The following PALB2 variants were observed in gnomAD, a reference collection of about 807,000 sequenced individuals.
PALB2 encodes the protein partner and localizer of BRCA2.
In PALB2, 82 loss-of-function variants were observed where a neutral mutation model predicts 107.4. The ratio of observed to expected loss-of-function variants is 0.76; its 90% CI spans 0.64 to 0.92. PALB2 has a LOEUF of 0.92. Among genes scored for constraint, PALB2 ranks in the 40% least tolerant of loss-of-function variants. The pLI is 0.00. For synonymous variants in PALB2, 489 were observed against 496.8 expected (o/e 0.98, Z 0.21); for missense variants, 1,374 against 1,379.9 (o/e 1.00, Z 0.07).
intron 10 of PALB2, among the ~76,000 whole-genome samples, chr16:23,614,625 T>TTG (rs1966646555): frequency 6.6e-6 from 1 of 151,890 alleles, no homozygotes; most frequent in Non-Finnish European, 1.5e-5. Context: ...AAGATAAAGT[T>TTG]TGTTGGAATC....
At chr16:23,632,972 TA>T (rs1208155464) in intron 4 of PALB2, among the ~76,000 whole-genome samples, 1 of 152,154 alleles carries the variant, frequency 6.6e-6, no homozygotes, top group Non-Finnish European at 1.5e-5. Context: ...TGGGCACCTG[TA>T]ATCTCAGCTA....
rs753124503 is a variant in PALB2 at position 23,635,084 on chromosome 16, T to C, written c.1462A>G (p.Ser488Gly). Residue 488 changes from serine to glycine, a missense_variant, in exon 4 of 13, where the codon AGC becomes GGC. Physicochemically the swap from Ser to Gly is moderately conservative, Grantham distance 56 (BLOSUM62 0). Coordinates refer to ENST00000261584, the MANE Select transcript of PALB2 (RefSeq NM_024675.4). ...SQKLLSLTKVSSPAGPTEDND... is the reference protein window; with the variant it reads ...SQKLLSLTKVGSPAGPTEDND... ...TCTTCAGTGGGCCCAGCGGGAGAGCTGACTTTAGTTAATGAGAGAAGTTTC... is the reference window on the plus strand; with the variant it reads ...TCTTCAGTGGGCCCAGCGGGAGAGCCGACTTTAGTTAATGAGAGAAGTTTC... 1.9e-6 allele frequency: 3 copies of C among 1,614,184 alleles called. No individual in the cohort carries two copies. Among genetic ancestry groups the C allele is most frequent in the East Asian group, 4.5e-5 (2 of 44,888 alleles).
chr16:23,631,997 C>A (rs1966882448), intron 4 of PALB2, among the ~76,000 whole-genome samples: 1 of 152,148 alleles, frequency 6.6e-6, no homozygotes, highest in African/African-American at 2.4e-5. Context: ...GCTCTTATTG[C>A]AAATGGTATC....
rs959798079 is a variant in PALB2, at chr16:23,603,430, A to C, written c.*29T>G. 6.4e-7 allele frequency: 1 copy of C among 1,572,914 alleles called. No individual in the cohort carries two copies. Among genetic ancestry groups the C allele is most frequent in the African/African-American group, 1.4e-5 (1 of 73,932 alleles). On this transcript the variant is annotated 3_prime_UTR_variant, in exon 13 of 13. Transcript: ENST00000261584. Reference sequence around the variant, plus strand: ...AAATACTAAGAGGCCCAATATATCCAGAAAATTGTGTTTTCACTTTACCCT... The same window carrying C: ...AAATACTAAGAGGCCCAATATATCCCGAAAATTGTGTTTTCACTTTACCCT...
chr16:23,638,317 T>C, intron 1 of PALB2, 188 bp from the exon 2 acceptor site: 2 of 641,638 alleles, frequency 3.1e-6, no homozygotes, highest in Non-Finnish European at 5.6e-6. Flanking sequence ...CCTGTTCCTA[T>C]CATCTGGAAC....
intron 7 of PALB2, among the ~76,000 whole-genome samples, chr16:23,625,476 G>A (rs1475381434): frequency 1.3e-5 from 2 of 152,078 alleles, no homozygotes; most frequent in African/African-American, 2.4e-5. Context: ...GACCAGCCCA[G>A]GCGACATGGC....
chr16:23,603,643 T>C lies in PALB2; in HGVS notation c.3377A>G (p.His1126Arg), dbSNP rs752373316. The C allele has an allele frequency of 2.5e-6, 4 of 1,613,610 alleles. No homozygotes were observed. The South Asian group carries it at 4.4e-5, about 18-fold the overall frequency. Residue 1126 changes from histidine (H) to arginine (R), a missense_variant, in exon 13 of 13, where the codon CAC (histidine) becomes CGC (arginine). Coordinates refer to ENST00000261584, the MANE Select transcript of PALB2 (RefSeq NM_024675.4). The part of the protein sequence containing the change: ...GRFLEGDVKD[H>R]CAAAILTSGT... ...AGAAGTCAAGATTGCTGCTGCACAG[T>C]GATCTTTCACGTCACCTTCCAGGAA...
chr16:23,634,639 TTTTATTTA>T lies in PALB2; in HGVS notation c.1684+215_1684+222del, dbSNP rs60066032. 9.4e-3 allele frequency among the ~76,000 whole-genome samples: 1,387 copies of T among 146,888 alleles called. 15 individuals are homozygous for T. The highest frequency in any genetic ancestry group is 0.053 in the Middle Eastern group (15 of 284). On this transcript the variant is annotated intron_variant, in intron 4 of 12. Coordinates refer to ENST00000261584, the MANE Select transcript of PALB2 (RefSeq NM_024675.4). The stretch of plus-strand genomic sequence containing the variant: ...CAACAGTGAGCCCCTGTCTCTTTAT[TTTTATTTA>T]TTTATTTATTTATTTATTTATTTAT...
intron 10 of PALB2, among the ~76,000 whole-genome samples, chr16:23,618,106 C>A (rs1211698463): frequency 6.6e-6 from 1 of 152,078 alleles, no homozygotes; most frequent in Admixed American, 6.6e-5. Flanking sequence ...CAAGACCAGC[C>A]TGAGTAACAT....
intron 10 of PALB2, among the ~76,000 whole-genome samples, chr16:23,615,002 G>A (rs1267292684): frequency 7.1e-6 from 1 of 141,154 alleles, no homozygotes; most frequent in Non-Finnish European, 1.5e-5. Flanking sequence ...CAGGCTGAGT[G>A]CAGTGGTGCC....
rs1555461200 is a variant in PALB2, at chr16:23,634,945, G to C, written c.1601C>G (p.Ser534Cys). The C allele has an allele frequency of 6.2e-7, 1 of 1,614,182 alleles. No individual in the cohort carries two copies. The highest frequency in any genetic ancestry group is 8.5e-7 in the Non-Finnish European group (1 of 1,180,050). ...SDHCEPLLPT[S>C]SLSIVNRSKE... ...GGACCTGTTAACAATCGACAGGCTA[G>C]AAGTTGGCAAAAGTGGTTCACAATG... The change falls in exon 4 of 13, where the codon TCT (serine) becomes TGT (cysteine). Residue 534 changes from serine (S) to cysteine (C), a missense_variant. Ser to Cys is a moderately radical substitution (Grantham distance 112). Coordinates refer to ENST00000261584, the MANE Select transcript of PALB2 (RefSeq NM_024675.4).
In PALB2 at chr16:23,604,766, C is replaced by CA. The variant is rs879480532; in HGVS notation, c.3351-1098dup. Among the ~76,000 whole-genome samples, 482 of 131,122 alleles carry CA rather than the reference C, an allele frequency of 3.7e-3. 1 individual carries two copies. The highest frequency in any genetic ancestry group is 5.4e-3 in the Non-Finnish European group (332 of 61,466). The allele number at this position is 131,122 out of a possible 152,430, so 86.0% of individuals were successfully genotyped here. Reference sequence around the variant, plus strand: ...GGGCGATAAAGTGAGACCCTGTCTCCAAAAAAAAAAATTAGCTGTTATTGT... The same window carrying CA: ...GGGCGATAAAGTGAGACCCTGTCTCCAAAAAAAAAAAATTAGCTGTTATTGT... On this transcript the variant is annotated intron_variant, in intron 12 of 12. Coordinates refer to ENST00000261584, the MANE Select transcript of PALB2 (RefSeq NM_024675.4).
rs772480747 is a variant in PALB2, at chr16:23,607,882, G to A, written c.3332C>T (p.Pro1111Leu). 5.6e-6 allele frequency: 9 copies of A among 1,614,008 alleles called. No individual in the cohort carries two copies. In the South Asian group the frequency reaches 9.9e-5, roughly 18 times the overall value. The change falls in exon 12 of 13, where the codon CCT becomes CTT. Residue 1111 changes from proline to leucine, a missense_variant. Physicochemically the swap from Pro to Leu is moderately conservative, Grantham distance 98 (BLOSUM62 -3). Transcript: ENST00000261584. ...CACTTGCCTGCCAGCCTGCCCTGGA[G>A]GAAGACAGTACAGCATCACACCCAC... is the stretch of plus-strand genomic sequence containing the variant. The part of the protein sequence containing the change: ...LSVGVMLYCL[P>L]PGQAGRFLEG...
intron 9 of PALB2, among the ~76,000 whole-genome samples, chr16:23,622,511 C>T (rs1252482170): frequency 1.3e-5 from 2 of 152,120 alleles, no homozygotes; most frequent in Admixed American, 1.3e-4. Flanking sequence ...CCTTCCACCT[C>T]AGACTCCCTA....
Position 23,629,976 on chromosome 16 carries a change from A to G in PALB2, c.2178T>C (p.Pro726=), listed in dbSNP as rs863224429. The change falls in exon 5 of 13, where the codon CCT becomes CCC. Residue 726 remains proline (P), a synonymous_variant. Coordinates refer to ENST00000261584, the MANE Select transcript of PALB2 (RefSeq NM_024675.4). ...GAGTAGTACCTAAGATGGGGAAAGC[A>G]GGTGAACACATGTCTGTGGTAGGCC... ...NDRPTTDMCS[P]AFPILGTTPA... 6 of 1,614,206 alleles carry G rather than the reference A, an allele frequency of 3.7e-6. No homozygotes were observed. Among genetic ancestry groups the G allele is most frequent in the Admixed American group, 1.7e-5 (1 of 60,008 alleles).
At position 23,630,006 on chromosome 16, in the gene PALB2, A is replaced by G. The variant is rs770145849; in HGVS notation, c.2148T>C (p.Asn716=). Reference sequence around the variant, plus strand: ...AACACATGTCTGTGGTAGGCCTGTCATTATCATCAGGCGCAACCGTATTTA... The same window carrying G: ...AACACATGTCTGTGGTAGGCCTGTCGTTATCATCAGGCGCAACCGTATTTA... The part of the protein sequence containing the change: ...TPLNTVAPDD[N]DRPTTDMCSP... Residue 716 remains asparagine (N), a synonymous_variant, in exon 5 of 13, where the codon AAT becomes AAC. Coordinates refer to ENST00000261584, the MANE Select transcript of PALB2 (RefSeq NM_024675.4). 2 of 1,614,042 alleles carry G rather than the reference A, an allele frequency of 1.2e-6. No individual in the cohort carries two copies. The highest frequency in any genetic ancestry group is 3.3e-5 in the Admixed American group (2 of 60,002).
intron 11 of PALB2, among the ~76,000 whole-genome samples, chr16:23,611,866 A>G (rs1295393025): frequency 3.9e-5 from 6 of 152,084 alleles, no homozygotes; most frequent in Non-Finnish European, 7.4e-5. Context: ...TGATCCTCTC[A>G]CTGGAGAAGC....
At position 23,638,130 on chromosome 16, in the gene PALB2, CT is replaced by C. The variant is rs1597101949; in HGVS notation, c.49-2del. ...TCAAGAATGCTAATTTCTCCTTTAA[CT>C]GGAAGAAGAAAAACACCAACAATAC... is the stretch of plus-strand genomic sequence containing the variant. On this transcript the variant is annotated splice_acceptor_variant, in intron 1 of 12. Transcript: ENST00000261584. LOFTEE classifies it high-confidence loss of function. 6.2e-7 allele frequency: 1 copy of C among 1,613,236 alleles called. No individual in the cohort carries two copies. The highest frequency in any genetic ancestry group is 8.5e-7 in the Non-Finnish European group (1 of 1,179,290).
At chr16:23,636,496 A>AT (rs1330725104) in intron 3 of PALB2, among the ~76,000 whole-genome samples, 162 bp from the exon 4 acceptor site, 3 of 152,074 alleles carry the variant, frequency 2.0e-5, no homozygotes, top group Non-Finnish European at 2.9e-5. Flanking sequence ...AAATAAACCT[A>AT]TTTTTTAGGC....
Sources: gnomAD v4.1 joint callset for allele counts (sites outside exome capture counted in the v4.1 genomes callset) on GRCh38, gnomAD v4.1.1 for gene constraint, MANE v1.5 for transcripts, NCBI Gene and HGNC (gene_info 2026-07-23, HGNC 2026-07-21) for gene names.